The following ENTREP2 variants were observed in gnomAD, a reference collection of about 807,000 sequenced individuals.
ENTREP2 encodes the protein protein ENTREP2.
At chr15:29,297,519 T>C in the ENTREP2 span, among the ~76,000 whole-genome samples, 2 of 152,128 alleles carry the variant, frequency 1.3e-5, no homozygotes, top group Non-Finnish European at 2.9e-5. Flanking sequence ...GATGAGGAAA[T>C]TGTAGAATTA....
the ENTREP2 span, among the ~76,000 whole-genome samples, chr15:29,435,127 C>T: frequency 6.6e-6 from 1 of 152,146 alleles, no homozygotes; most frequent in Non-Finnish European, 1.5e-5. Flanking sequence ...TAACTCCATC[C>T]TGCTTGACAA....
the ENTREP2 span, among the ~76,000 whole-genome samples, chr15:29,179,368 T>G: frequency 8.5e-5 from 13 of 152,164 alleles, no homozygotes; most frequent in Non-Finnish European, 1.2e-4. Context: ...ATGATAGATA[T>G]TTAGGAAGAC....
At chr15:29,611,226 C>T in the ENTREP2 span, 1 of 152,280 alleles carries the variant, frequency 6.6e-6, no homozygotes, top group South Asian at 2.1e-4. Context: ...AGACACTTCT[C>T]ACTCCACCCT....
chr15:29,131,896 T>C, the ENTREP2 span, among the ~76,000 whole-genome samples: 1 of 63,536 alleles, frequency 1.6e-5, no homozygotes, highest in Non-Finnish European at 3.4e-5. Context: ...CCTTGAACAC[T>C]GGCTGAAGAG....
the ENTREP2 span, among the ~76,000 whole-genome samples, chr15:29,575,045 C>T: frequency 5.3e-5 from 8 of 152,110 alleles, no homozygotes; most frequent in African/African-American, 1.7e-4. Flanking sequence ...ACGTGGGCTG[C>T]CTTTCTAGCT....
At chr15:29,556,382 C>T in the ENTREP2 span, among the ~76,000 whole-genome samples, 6 of 152,144 alleles carry the variant, frequency 3.9e-5, no homozygotes, top group African/African-American at 1.4e-4. Context: ...CCCCTTTTCA[C>T]AAATGATCAA....
At chr15:29,568,710 CAAA>C in the ENTREP2 span, among the ~76,000 whole-genome samples, 629 of 127,982 alleles carry the variant, frequency 4.9e-3, 2 homozygotes, top group African/African-American at 0.02. Flanking sequence ...CCTCTTAAGG[CAAA>C]AAAAAAAAAA....
chr15:29,369,592 AACACACACAC>A, the ENTREP2 span, among the ~76,000 whole-genome samples: 2 of 149,364 alleles, frequency 1.3e-5, no homozygotes, highest in Admixed American at 6.7e-5. Context: ...GCTGAAATTA[AACACACACAC>A]ACACACACAC....
chr15:29,628,030 T>A, the ENTREP2 span, among the ~76,000 whole-genome samples: 1 of 152,262 alleles, frequency 6.6e-6, no homozygotes, highest in African/African-American at 2.4e-5. Flanking sequence ...GTAAGGTAAT[T>A]CTATGTTTAA....
the ENTREP2 span, among the ~76,000 whole-genome samples, chr15:29,168,121 A>T: frequency 7.2e-5 from 11 of 152,320 alleles, 1 homozygote; most frequent in South Asian, 2.3e-3. Flanking sequence ...GAGCTAAGCT[A>T]TGAGGATGCA....
At chr15:29,447,858 T>C in the ENTREP2 span, among the ~76,000 whole-genome samples, 1 of 150,530 alleles carries the variant, frequency 6.6e-6, no homozygotes, top group African/African-American at 2.4e-5. Flanking sequence ...AGGTCAGGAG[T>C]TCAAGACCAG....
the ENTREP2 span, chr15:29,235,001 G>A: frequency 7.5e-7 from 1 of 1,329,564 alleles, no homozygotes; most frequent in South Asian, 1.2e-5. Flanking sequence ...CACATTTAGG[G>A]TTGCTTGAAG....
At chr15:29,157,160 A>C in the ENTREP2 span, among the ~76,000 whole-genome samples, 1 of 152,202 alleles carries the variant, frequency 6.6e-6, no homozygotes, top group Non-Finnish European at 1.5e-5. Context: ...CTGAGTTACC[A>C]GTGGGCCTGA....
the ENTREP2 span, among the ~76,000 whole-genome samples, chr15:29,533,656 T>C: frequency 6.6e-6 from 1 of 152,252 alleles, no homozygotes; most frequent in Admixed American, 6.5e-5. Context: ...GTAGAGGCCC[T>C]GACCCTGGAA....
the ENTREP2 span, among the ~76,000 whole-genome samples, chr15:29,430,196 C>T: frequency 6.6e-6 from 1 of 152,112 alleles, no homozygotes; most frequent in Non-Finnish European, 1.5e-5. Flanking sequence ...TGATAAAAGG[C>T]TCCTCCCATG....
chr15:29,216,121 A>G, the ENTREP2 span, among the ~76,000 whole-genome samples: 6 of 152,288 alleles, frequency 3.9e-5, no homozygotes, highest in East Asian at 1.2e-3. Context: ...TTGTTTCAAG[A>G]TTTAGAGCTC....
At chr15:29,320,128 C>T in the ENTREP2 span, among the ~76,000 whole-genome samples, 3 of 152,140 alleles carry the variant, frequency 2.0e-5, no homozygotes, top group Admixed American at 6.5e-5. Context: ...AGGCTAGAAA[C>T]GCTTGTTAAG....
the ENTREP2 span, among the ~76,000 whole-genome samples, chr15:29,572,693 A>G: frequency 1.3e-5 from 2 of 152,114 alleles, no homozygotes; most frequent in South Asian, 4.1e-4. Context: ...AAAAAATAGT[A>G]TACACCCACT....
chr15:29,222,043 G>A, the ENTREP2 span, among the ~76,000 whole-genome samples: 10 of 152,292 alleles, frequency 6.6e-5, no homozygotes, highest in African/African-American at 2.4e-4. Flanking sequence ...TCTTGGATAG[G>A]GGCTGGGTAA....
Sources: allele counts gnomAD v4.1 joint callset (sites outside exome capture counted in the v4.1 genomes callset), GRCh38; gene constraint gnomAD v4.1.1; transcripts MANE v1.5; gene names NCBI Gene and HGNC (gene_info 2026-07-23, HGNC 2026-07-21).